MYOM1: variants seen among roughly 807,000 people sequenced by gnomAD.
The protein encoded by MYOM1 is myomesin-1.
MYOM1 carries 164 observed loss-of-function variants against 205.3 expected under a neutral mutation model. The observed-to-expected ratio is 0.80, with a 90% CI of 0.70 to 0.91. The LOEUF (loss-of-function observed/expected upper bound fraction) is 0.91. Ranked by LOEUF, MYOM1 falls within the 40% of genes least tolerant of loss-of-function variation. MYOM1 has a pLI of 0.00. For synonymous variants in MYOM1, 772 were observed against 789.4 expected (o/e 0.98, Z 0.37); for missense variants, 2,011 against 2,127.3 (o/e 0.95, Z 1.08).
At chr18:3,161,038 G>A (rs1031911173) in intron 10 of MYOM1, among the ~76,000 whole-genome samples, 5 of 152,160 alleles carry the variant, frequency 3.3e-5, no homozygotes, top group African/African-American at 1.2e-4. Context: ...GTAAAACAGT[G>A]GAAAGTGGAA....
chr18:3,202,422 C>G (rs2081080167), intron 2 of MYOM1, among the ~76,000 whole-genome samples: 1 of 139,826 alleles, frequency 7.2e-6, no homozygotes, highest in African/African-American at 3.3e-5. Flanking sequence ...TCAACTAATC[C>G]ACTTATATGC....
At chr18:3,069,783 C>T (rs73371129) in intron 37 of MYOM1, among the ~76,000 whole-genome samples, 25,317 of 152,122 alleles carry the variant, frequency 0.17, 2,322 homozygotes, top group East Asian at 0.32. Flanking sequence ...CTTATCCACA[C>T]TTCAGATTTG....
chr18:3,158,177 T>C (rs2080329267), intron 10 of MYOM1, among the ~76,000 whole-genome samples: 1 of 152,230 alleles, frequency 6.6e-6, no homozygotes, highest in South Asian at 2.1e-4. Context: ...ATTCTATATT[T>C]ATAAACTCAG....
chr18:3,180,687 T>A (rs190396095), intron 5 of MYOM1, among the ~76,000 whole-genome samples: 6 of 152,194 alleles, frequency 3.9e-5, no homozygotes, highest in Non-Finnish European at 7.3e-5. Context: ...TCCCTTATCA[T>A]TTTTATGTAA....
At chr18:3,204,320 T>A (rs2081105266) in intron 2 of MYOM1, among the ~76,000 whole-genome samples, 4 of 151,982 alleles carry the variant, frequency 2.6e-5, no homozygotes, top group Admixed American at 2.6e-4. Flanking sequence ...ATCCTATGTG[T>A]AGAAAATCCT....
At chr18:3,228,671 A>G in the MYOM1 span, among the ~76,000 whole-genome samples, 4 of 152,192 alleles carry the variant, frequency 2.6e-5, no homozygotes, top group Non-Finnish European at 5.9e-5. The surrounding 1 kb of genome is among the most constrained non-coding windows in gnomAD (Gnocchi z 4.5). Flanking sequence ...AGTTTTAGTC[A>G]ATTTTTACAT....
chr18:3,238,366 C>T, the MYOM1 span, among the ~76,000 whole-genome samples: 47 of 152,118 alleles, frequency 3.1e-4, no homozygotes, highest in African/African-American at 9.9e-4. Flanking sequence ...TCACTCCCTC[C>T]GACCTGGGGG....
chr18:3,237,984 G>T, the MYOM1 span, among the ~76,000 whole-genome samples: 1 of 152,198 alleles, frequency 6.6e-6, no homozygotes, highest in African/African-American at 2.4e-5. Context: ...TGGGGCAGGG[G>T]TGGCGGTCGG....
At chr18:3,230,987 AC>A in the MYOM1 span, among the ~76,000 whole-genome samples, 1 of 152,180 alleles carries the variant, frequency 6.6e-6, no homozygotes, top group Non-Finnish European at 1.5e-5. Flanking sequence ...TGGGATTTGA[AC>A]CCAGTTCCAG....
intron 14 of MYOM1, among the ~76,000 whole-genome samples, chr18:3,140,492 T>C (rs2080033173): frequency 6.6e-6 from 1 of 152,224 alleles, no homozygotes; most frequent in South Asian, 2.1e-4. Flanking sequence ...AAATATTGTC[T>C]TTGTAAAACA....
At chr18:3,206,990 A>G (rs1327134899) in intron 2 of MYOM1, among the ~76,000 whole-genome samples, 1 of 148,698 alleles carries the variant, frequency 6.7e-6, no homozygotes, top group African/African-American at 2.5e-5. Context: ...GCCATATCTC[A>G]CTTTCAGTTT....
chr18:3,231,614 G>A, the MYOM1 span, among the ~76,000 whole-genome samples: 3 of 140,860 alleles, frequency 2.1e-5, no homozygotes, highest in Non-Finnish European at 4.5e-5. Flanking sequence ...ATCTTGGCTC[G>A]CTACAACCTC....
At chr18:3,203,446 A>G (rs576715701) in intron 2 of MYOM1, among the ~76,000 whole-genome samples, 1 of 151,844 alleles carries the variant, frequency 6.6e-6, no homozygotes, top group Non-Finnish European at 1.5e-5. Context: ...GAAAGAGGAG[A>G]CATCACTAAC....
At chr18:3,161,391 G>A (rs939534164) in intron 10 of MYOM1, among the ~76,000 whole-genome samples, 12 of 152,182 alleles carry the variant, frequency 7.9e-5, no homozygotes, top group African/African-American at 1.9e-4. Flanking sequence ...ACCCCTGAGC[G>A]TTAGCAGGAA....
chr18:3,224,890 C>T (rs1268063038), upstream of MYOM1, among the ~76,000 whole-genome samples: 1 of 152,210 alleles, frequency 6.6e-6, no homozygotes, highest in Non-Finnish European at 1.5e-5. Flanking sequence ...TGGTATTGAA[C>T]TGCTGACCTC....
At chr18:3,237,618 A>AAG in the MYOM1 span, among the ~76,000 whole-genome samples, 1 of 151,670 alleles carries the variant, frequency 6.6e-6, no homozygotes, top group Non-Finnish European at 1.5e-5. Context: ...AAAAAAAAAA[A>AAG]AAAAGGAAAT....
At chr18:3,211,218 T>G (rs2081186973) in intron 2 of MYOM1, among the ~76,000 whole-genome samples, 1 of 152,244 alleles carries the variant, frequency 6.6e-6, no homozygotes, top group East Asian at 1.9e-4. Context: ...GGAAGGTCCC[T>G]GCTTTCCATA....
intron 33 of MYOM1, 42 bp downstream of exon 33, chr18:3,083,747 G>A: frequency 1.3e-6 from 2 of 1,491,750 alleles, no homozygotes; most frequent in Non-Finnish European, 1.8e-6. Context: ...CGCCTGGCAG[G>A]GAAAGAATTT....
intron 2 of MYOM1, among the ~76,000 whole-genome samples, chr18:3,198,111 C>T (rs1598763683): frequency 2.0e-5 from 3 of 152,086 alleles, no homozygotes; most frequent in East Asian, 3.9e-4. Flanking sequence ...AAGTAAAATG[C>T]TGGCCCCTTA....
Sources: allele counts gnomAD v4.1 joint callset (sites outside exome capture counted in the v4.1 genomes callset), GRCh38; gene constraint gnomAD v4.1.1; non-coding constraint Gnocchi (gnomAD v3.1); transcripts MANE v1.5; gene names NCBI Gene and HGNC (gene_info 2026-07-23, HGNC 2026-07-21).